Variants in NTM observed in about 807,000 individuals in gnomAD.
NTM encodes the protein neurotrimin.
A neutral mutation model predicts 42.1 loss-of-function variants in NTM; 13 were observed. The ratio of observed to expected loss-of-function variants is 0.31; its 90% CI spans 0.20 to 0.49. The LOEUF is 0.49. Ranked by LOEUF, NTM falls within the 20% of genes least tolerant of loss-of-function variation. NTM has a pLI of 0.99. For missense variants in NTM, 373 were observed against 452.8 expected, an observed-to-expected ratio of 0.82 and a Z score of 1.60; for synonymous variants, 187 against 179.2, an observed-to-expected ratio of 1.04 and a Z score of -0.35.
rs183370273 is a variant in NTM, at chr11:131,675,693, C to T, written c.83-235871C>T. On this transcript the variant is annotated intron_variant, in intron 1 of 8. Transcript: ENST00000683400. ...GCTTGTACATTTCTCATCATGTGAC[C>T]CTCCACCCACAGACTGTCTGAGTAC... is the stretch of plus-strand genomic sequence containing the variant. Among the ~76,000 whole-genome samples, 12 of 152,224 alleles carry T rather than the reference C, an allele frequency of 7.9e-5. 1 individual carries two copies. In the East Asian group the frequency reaches 2.1e-3, roughly 27 times the overall value.
intron 1 of NTM, among the ~76,000 whole-genome samples, chr11:131,547,450 G>A (rs2054093566): frequency 6.6e-6 from 1 of 152,186 alleles, no homozygotes; most frequent in Non-Finnish European, 1.5e-5. Flanking sequence ...TTTGAGGTGG[G>A]CAGAGCCTTC....
At position 132,008,208 on chromosome 11, in the gene NTM, G is replaced by A. The variant is rs145570723; in HGVS notation, c.167+96560G>A. On this transcript the variant is annotated intron_variant, in intron 2 of 8. Coordinates refer to ENST00000683400, the MANE Select transcript of NTM (RefSeq NM_001352005.2). ...GTCTAAGACAGATGAGAGAACAAAC[G>A]CTCACTTTACCCCTCGCCACTTATG... is the stretch of plus-strand genomic sequence containing the variant. 4.6e-3 allele frequency among the ~76,000 whole-genome samples: 696 copies of A among 152,166 alleles called. 5 individuals carry two copies. The highest frequency in any genetic ancestry group is 0.016 in the African/African-American group (660 of 41,488).
intron 1 of NTM, among the ~76,000 whole-genome samples, chr11:131,685,897 G>T (rs2073811955): frequency 6.6e-6 from 1 of 152,222 alleles, no homozygotes; most frequent in Non-Finnish European, 1.5e-5. Flanking sequence ...TAACTAGAGG[G>T]TTTTTCCAGC....
chr11:131,640,200 A>G (rs1041479512), intron 1 of NTM, among the ~76,000 whole-genome samples: 1 of 152,202 alleles, frequency 6.6e-6, no homozygotes, highest in Non-Finnish European at 1.5e-5. Context: ...GGGTTTCCTT[A>G]AGCCTAAGCA....
Position 131,874,650 on chromosome 11 carries a change from T to C in NTM, c.83-36914T>C, listed in dbSNP as rs115538772. Among the ~76,000 whole-genome samples the C allele has an allele frequency of 9.4e-3, 1,439 of 152,334 alleles. 26 individuals are homozygous for C. Among genetic ancestry groups the C allele is most frequent in the African/African-American group, 0.033 (1,360 of 41,564 alleles). ...ATTAGTTTAATAAAAAATTTGTCTT[T>C]TGCGTAGATCTATCTCTATTCCTTC... is the stretch of plus-strand genomic sequence containing the variant. On this transcript the variant is annotated intron_variant, in intron 1 of 8. Coordinates refer to ENST00000683400, the MANE Select transcript of NTM (RefSeq NM_001352005.2).
chr11:131,894,366 C>T (rs565400168), intron 1 of NTM, among the ~76,000 whole-genome samples: 110 of 152,324 alleles, frequency 7.2e-4, no homozygotes, highest in South Asian at 1.7e-3. Context: ...GGGATCCGCA[C>T]TGTGGCCCTT....
intron 1 of NTM, among the ~76,000 whole-genome samples, chr11:131,486,908 CATA>C: frequency 6.6e-6 from 1 of 152,224 alleles, no homozygotes; most frequent in Non-Finnish European, 1.5e-5. Flanking sequence ...ATAAATAATG[CATA>C]ATGCCCAGAA....
chr11:132,027,868 T>C (rs1021911661), intron 2 of NTM, among the ~76,000 whole-genome samples: 4 of 152,224 alleles, frequency 2.6e-5, no homozygotes, highest in Non-Finnish European at 5.9e-5. Context: ...TCCCATTGCA[T>C]GTATATTACA....
At chr11:132,265,719 G>A (rs909561517) in intron 4 of NTM, among the ~76,000 whole-genome samples, 4 of 152,230 alleles carry the variant, frequency 2.6e-5, no homozygotes, top group Non-Finnish European at 5.9e-5. Context: ...CCCGTGGCAT[G>A]CAGTCGTTGT....
rs919848224 is a variant in NTM, at chr11:132,335,794, T to G, written c.*648T>G. On this transcript the variant is annotated 3_prime_UTR_variant, in exon 9 of 9. Transcript: ENST00000683400. ...GATAACAAGGGATTCTGATTCATTA[T>G]TAATTTCATTAATTATATTTTCTGA... The G allele has an allele frequency of 3.9e-5, 6 of 152,528 alleles. No homozygotes were observed. The highest frequency in any genetic ancestry group is 1.4e-4 in the African/African-American group (6 of 41,418). 9.4% of individuals were successfully genotyped at this position (152,528 alleles called of 1,614,324 possible).
intron 1 of NTM, among the ~76,000 whole-genome samples, chr11:131,416,968 G>T (rs189658582): frequency 2.0e-5 from 3 of 152,132 alleles, no homozygotes; most frequent in Non-Finnish European, 4.4e-5. Context: ...ATATTAGCAC[G>T]TAACCTTGGG....
chr11:132,225,030 TAAC>T (rs1250154467), intron 4 of NTM, among the ~76,000 whole-genome samples: 2 of 152,328 alleles, frequency 1.3e-5, no homozygotes, highest in East Asian at 3.9e-4. Context: ...AAAATGATCA[TAAC>T]AACTCCAGAC....
intron 2 of NTM, among the ~76,000 whole-genome samples, chr11:132,061,910 C>T (rs2080736548): frequency 1.3e-5 from 2 of 152,014 alleles, no homozygotes; most frequent in African/African-American, 4.8e-5. Flanking sequence ...TGTGTGGGCA[C>T]TTAGGAACAA....
chr11:131,464,149 C>A lies in NTM; in HGVS notation c.82+93261C>A, dbSNP rs1375171537. On this transcript the variant is annotated intron_variant, in intron 1 of 8. Transcript: ENST00000683400. ...AGGGGCCAGCAGGAAGAGCGGTGGA[C>A]GTGGCTGCAGGAAGCTGGCCCCTTG... Among the ~76,000 whole-genome samples, 5 of 152,056 alleles carry A rather than the reference C, an allele frequency of 3.3e-5. No homozygotes were observed. The South Asian group carries it at 1.0e-3, about 32-fold the overall frequency.
intron 7 of NTM, among the ~76,000 whole-genome samples, chr11:132,322,448 G>T (rs556538304): frequency 7.2e-6 from 1 of 138,284 alleles, no homozygotes; most frequent in Non-Finnish European, 1.6e-5. Flanking sequence ...TTACATAATG[G>T]TAAAGGGATC....
At chr11:132,001,173 A>G (rs867790133) in intron 2 of NTM, among the ~76,000 whole-genome samples, 4 of 152,224 alleles carry the variant, frequency 2.6e-5, no homozygotes, top group Admixed American at 6.5e-5. Flanking sequence ...ATTCCATATC[A>G]AAGTAGGGCA....
intron 1 of NTM, among the ~76,000 whole-genome samples, chr11:131,426,238 G>A (rs1224146484): frequency 6.6e-6 from 1 of 152,288 alleles, no homozygotes; most frequent in Middle Eastern, 3.4e-3. Context: ...TGGGAACTGA[G>A]TGCACATCCC....
intron 1 of NTM, among the ~76,000 whole-genome samples, chr11:131,690,753 TG>T (rs1226081771): frequency 3.9e-5 from 6 of 152,190 alleles, no homozygotes; most frequent in African/African-American, 1.4e-4. Flanking sequence ...CCCACATCCT[TG>T]GGGAACAAAA....
intron 1 of NTM, among the ~76,000 whole-genome samples, chr11:131,433,148 C>T (rs1165152942): frequency 2.0e-5 from 3 of 152,068 alleles, no homozygotes; most frequent in Admixed American, 2.0e-4. Context: ...TGAGCCACTG[C>T]GCCCAGCCTA....
Sources: allele counts gnomAD v4.1 joint callset (sites outside exome capture counted in the v4.1 genomes callset), GRCh38; gene constraint gnomAD v4.1.1; transcripts MANE v1.5; gene names NCBI Gene and HGNC (gene_info 2026-07-23, HGNC 2026-07-21).